The following ASIC2 variants were observed in gnomAD, a reference collection of about 807,000 sequenced individuals.
ASIC2 encodes the protein acid-sensing ion channel 2.
Under a neutral mutation model 57.3 loss-of-function variants are expected in ASIC2, and 25 were observed. The observed-to-expected ratio is 0.44, with a 90% CI of 0.32 to 0.61. ASIC2 has a LOEUF of 0.61. Among genes scored for constraint, ASIC2 ranks in the 20% least tolerant of loss-of-function variants. The pLI is 0.06. For missense variants in ASIC2, 641 were observed against 738.1 expected (o/e 0.87, Z 1.52); for synonymous variants, 319 against 307.5 (o/e 1.04, Z -0.39).
At chr17:33,141,339 T>G (rs764175247) in intron 1 of ASIC2, among the ~76,000 whole-genome samples, 1 of 152,226 alleles carries the variant, frequency 6.6e-6, no homozygotes, top group Non-Finnish European at 1.5e-5. Flanking sequence ...GGCAACCAGC[T>G]TTCTTTTACA....
chr17:33,052,102 AG>A (rs748395519), intron 3 of ASIC2: 3 of 152,250 alleles, frequency 2.0e-5, no homozygotes, highest in Non-Finnish European at 2.9e-5. Flanking sequence ...GGTCTGAAAG[AG>A]GAACCCATGG....
At chr17:34,029,483 C>T (rs1034746143) in intron 1 of ASIC2, among the ~76,000 whole-genome samples, 1 of 152,004 alleles carries the variant, frequency 6.6e-6, no homozygotes, top group African/African-American at 2.4e-5. Flanking sequence ...AATAATCTCA[C>T]TTAATCTCCT....
intron 1 of ASIC2, among the ~76,000 whole-genome samples, chr17:33,595,225 CA>C (rs1308369714): frequency 6.6e-6 from 1 of 151,952 alleles, no homozygotes. Context: ...GACTTTGTCT[CA>C]AAAAAATGAA....
chr17:33,752,699 A>T (rs913173511), intron 1 of ASIC2, among the ~76,000 whole-genome samples: 3 of 152,206 alleles, frequency 2.0e-5, no homozygotes, highest in Admixed American at 6.5e-5. Context: ...ATACAAAAAG[A>T]TGCTCCACAT....
intron 1 of ASIC2, chr17:33,572,222 T>C (rs1916471092): frequency 6.6e-6 from 1 of 152,144 alleles, no homozygotes; most frequent in Admixed American, 6.5e-5. Context: ...CTCACTCCTA[T>C]TGGCTCAGTG....
chr17:33,639,191 A>C (rs568791927), intron 1 of ASIC2, among the ~76,000 whole-genome samples: 1 of 152,064 alleles, frequency 6.6e-6, no homozygotes, highest in East Asian at 2.0e-4. Context: ...CCAAGGAGTC[A>C]ATCTGCTTAA....
At chr17:33,096,453 C>A (rs1266853274) in intron 2 of ASIC2, among the ~76,000 whole-genome samples, 1 of 152,226 alleles carries the variant, frequency 6.6e-6, no homozygotes, top group Non-Finnish European at 1.5e-5. Flanking sequence ...TGAAAAAAGT[C>A]AGGCTGCTTC....
chr17:33,984,024 A>G (rs1905722161), intron 1 of ASIC2, among the ~76,000 whole-genome samples: 1 of 151,850 alleles, frequency 6.6e-6, no homozygotes, highest in African/African-American at 2.4e-5. Context: ...TGGTTTTCAG[A>G]CCTTTTCATG....
intron 1 of ASIC2, among the ~76,000 whole-genome samples, chr17:33,781,331 T>G (rs966616713): frequency 2.0e-5 from 3 of 152,226 alleles, no homozygotes; most frequent in Non-Finnish European, 4.4e-5. Flanking sequence ...TCTTTTTGTT[T>G]TGCTCAGGTG....
chr17:33,628,831 T>C (rs1237315012), intron 1 of ASIC2, among the ~76,000 whole-genome samples: 9 of 152,324 alleles, frequency 5.9e-5, no homozygotes, highest in African/African-American at 1.4e-4. Context: ...TCAATGCCAA[T>C]GTTCACCTTC....
chr17:33,746,477 T>C (rs1465437691), intron 1 of ASIC2, among the ~76,000 whole-genome samples: 1 of 150,902 alleles, frequency 6.6e-6, no homozygotes, highest in Non-Finnish European at 1.5e-5. Flanking sequence ...TATATGTATG[T>C]ATATCTACAT....
chr17:33,515,804 A>G (rs1312696696), intron 1 of ASIC2, among the ~76,000 whole-genome samples: 1 of 152,176 alleles, frequency 6.6e-6, no homozygotes, highest in Non-Finnish European at 1.5e-5. Context: ...CCTGTTCTGA[A>G]GAATGCAGAG....
At chr17:34,049,496 T>C (rs899088110) in intron 1 of ASIC2, among the ~76,000 whole-genome samples, 1 of 151,970 alleles carries the variant, frequency 6.6e-6, no homozygotes, top group Admixed American at 6.6e-5. Flanking sequence ...TGCTCTCACA[T>C]TGTCCTTCTC....
At chr17:33,657,757 T>TAA (rs34103812) in intron 1 of ASIC2, among the ~76,000 whole-genome samples, 7,802 of 103,306 alleles carry the variant, frequency 0.076, 367 homozygotes, top group Non-Finnish European at 0.11. Context: ...TGGCAGTTTC[T>TAA]AAAAAAAAAA....
At chr17:33,618,638 G>A (rs1905681537) in intron 1 of ASIC2, among the ~76,000 whole-genome samples, 3 of 152,140 alleles carry the variant, frequency 2.0e-5, no homozygotes, top group African/African-American at 7.2e-5. Context: ...TGGACATTCT[G>A]AGCCTTGGTT....
intron 1 of ASIC2, among the ~76,000 whole-genome samples, chr17:33,133,496 G>A (rs2092355847): frequency 6.6e-6 from 1 of 152,186 alleles, no homozygotes; most frequent in Non-Finnish European, 1.5e-5. Context: ...CCCCAGAGTT[G>A]CCTTACATGT....
rs138829371 is a variant in ASIC2, at chr17:33,572,064, G to A, written c.556-459997C>T. ...TGTTTCGACTTTGCCCCAGCCAACT[G>A]ACCACATTGAGTGATGTGCTTAGTT... On this transcript the variant is annotated intron_variant, in intron 1 of 9. Transcript: ENST00000359872. 5.2e-5 allele frequency: 8 copies of A among 152,384 alleles called. No homozygotes were observed. In the East Asian group the frequency reaches 1.5e-3, roughly 29 times the overall value. The allele number at this position is 152,384 out of a possible 1,614,324, so 9.4% of individuals were successfully genotyped here.
At chr17:33,860,304 G>T (rs1385051341) in intron 1 of ASIC2, among the ~76,000 whole-genome samples, 5 of 152,160 alleles carry the variant, frequency 3.3e-5, no homozygotes, top group Non-Finnish European at 5.9e-5. Context: ...TAAGATGGGG[G>T]TATAAAGTCA....
chr17:33,178,518 C>T (rs955917078), intron 1 of ASIC2, among the ~76,000 whole-genome samples: 2 of 152,150 alleles, frequency 1.3e-5, no homozygotes, highest in Non-Finnish European at 2.9e-5. Context: ...TAAATAAAAC[C>T]ATAAAGTCCC....
Sources: gnomAD v4.1 joint callset for allele counts (sites outside exome capture counted in the v4.1 genomes callset) on GRCh38, gnomAD v4.1.1 for gene constraint, MANE v1.5 for transcripts, NCBI Gene and HGNC (gene_info 2026-07-23, HGNC 2026-07-21) for gene names.